Variants in LMCD1 observed in about 807,000 individuals in gnomAD.
The protein encoded by LMCD1 is LIM and cysteine rich domains 1.
Under a neutral mutation model 42.7 loss-of-function variants are expected in LMCD1, and 32 were observed. That is an observed-to-expected ratio of 0.75 (90% CI 0.57 to 1.01). LMCD1 has a LOEUF of 1.01. Among genes scored for constraint, LMCD1 ranks in the 50% least tolerant of loss-of-function variants. The pLI, the probability that LMCD1 is intolerant of heterozygous loss-of-function variation, is 0.00. For missense variants in LMCD1, 458 were observed against 483.1 expected (o/e 0.95, Z 0.49); for synonymous variants, 178 against 184.9 (o/e 0.96, Z 0.30).
Position 8,567,597 on chromosome 3 carries a change from G to T in LMCD1, c.1097G>T (p.Ter366LeuextTer25). The T allele has an allele frequency of 6.2e-7, 1 of 1,612,262 alleles. No individual in the cohort carries two copies. Among genetic ancestry groups the T allele is most frequent in the Non-Finnish European group, 8.5e-7 (1 of 1,179,080 alleles). ...ACTTGCAGCAAGTCCAAACGCTCCT[G>T]AAGGGCTGCCCACCCACAGCCAGAA... is the stretch of plus-strand genomic sequence containing the variant. ...CPTCSKSKRS[*>L] Residue 366 changes from the stop codon to leucine (L), a stop_lost, in exon 6 of 6, where the codon TGA (stop) becomes TTA (leucine). Coordinates refer to ENST00000157600, the MANE Select transcript of LMCD1 (RefSeq NM_014583.4).
At chr3:8,565,961 C>T (rs1695126656) in intron 5 of LMCD1, among the ~76,000 whole-genome samples, 1 of 152,218 alleles carries the variant, frequency 6.6e-6, no homozygotes, top group African/African-American at 2.4e-5. Context: ...CCTGTATCTG[C>T]ATCTCTTATT....
chr3:8,552,793 G>A (rs545292347), intron 4 of LMCD1, among the ~76,000 whole-genome samples: 9 of 152,170 alleles, frequency 5.9e-5, no homozygotes, highest in Admixed American at 4.6e-4. Flanking sequence ...GCACAGTCTC[G>A]GCTCACTGCA....
intron 4 of LMCD1, among the ~76,000 whole-genome samples, chr3:8,554,068 C>T (rs1219625024): frequency 6.6e-6 from 1 of 152,106 alleles, no homozygotes; most frequent in South Asian, 2.1e-4. Flanking sequence ...TTTAGATACA[C>T]GGCTCTCACT....
chr3:8,534,556 C>T (rs1407413842), intron 2 of LMCD1, among the ~76,000 whole-genome samples: 1 of 152,180 alleles, frequency 6.6e-6, no homozygotes, highest in Non-Finnish European at 1.5e-5. Flanking sequence ...GCAGTAACAT[C>T]ACAGAAGCTT....
chr3:8,560,224 A>AC (rs761876578), intron 4 of LMCD1, among the ~76,000 whole-genome samples: 7 of 142,954 alleles, frequency 4.9e-5, no homozygotes, highest in Non-Finnish European at 7.7e-5. Flanking sequence ...ACATAGTGGG[A>AC]CCCCATCTCT....
rs542683571 is a variant in LMCD1, at chr3:8,532,911, A to G, written c.131+86A>G. 6 of 1,098,920 alleles carry G rather than the reference A, an allele frequency of 5.5e-6. No homozygotes were observed. The African/African-American group carries it at 7.7e-5, about 14-fold the overall frequency. 68.1% of individuals were successfully genotyped at this position (1,098,920 alleles called of 1,614,324 possible). On this transcript the variant is annotated intron_variant, in intron 2 of 5. Transcript: ENST00000157600. The stretch of plus-strand genomic sequence containing the variant: ...AACCCTGGTTGCTTTCTTCGCTGAG[A>G]CTGCTTTGGTTGTATGCGTTGTCAG...
In LMCD1 at chr3:8,509,609, A is replaced by C. The variant is rs558541858; in HGVS notation, c.42+7629A>C. ...TTGAGTCTGGTAGAATTTATTTTTC[A>C]TAAGGCAGGAGACAGGCCAAATAAT... On this transcript the variant is annotated intron_variant, in intron 1 of 5. Coordinates refer to ENST00000157600, the MANE Select transcript of LMCD1 (RefSeq NM_014583.4). Among the ~76,000 whole-genome samples, 4 of 152,364 alleles carry C rather than the reference A, an allele frequency of 2.6e-5. No individual in the cohort carries two copies. In the East Asian group the frequency reaches 7.7e-4, roughly 29 times the overall value.
chr3:8,537,408 G>A lies in LMCD1; in HGVS notation c.355G>A (p.Glu119Lys), dbSNP rs1489518453. ...KDPTFDTITYEWAPPGVTQKL... is the reference protein window; with the variant it reads ...KDPTFDTITYKWAPPGVTQKL... ...TCCCACTTTTGACACCATCACCTAC[G>A]AGTGGGCTCCCCCTGGAGTCACCCA... The change falls in exon 3 of 6, where the codon GAG becomes AAG. Residue 119 changes from glutamate to lysine, a missense_variant. Physicochemically the swap from Glu to Lys is moderately conservative, Grantham distance 56. Transcript: ENST00000157600. 9 of 1,606,452 alleles carry A rather than the reference G, an allele frequency of 5.6e-6. No homozygotes were observed. The highest frequency in any genetic ancestry group is 1.1e-5 in the South Asian group (1 of 90,390).
Position 8,548,661 on chromosome 3 carries a change from C to T in LMCD1, c.481C>T (p.Leu161Phe). Reference sequence around the variant, plus strand: ...CCGCCGCCGCCAGCTCATGCACCAGCTCCCCATCTATGACCAGGATCCCTC... The same window carrying T: ...CCGCCGCCGCCAGCTCATGCACCAGTTCCCCATCTATGACCAGGATCCCTC... Reference protein sequence around the residue: ...FYRRRQLMHQLPIYDQDPSRC... With the variant: ...FYRRRQLMHQFPIYDQDPSRC... The change falls in exon 4 of 6, where the codon CTC (leucine) becomes TTC (phenylalanine). Residue 161 changes from leucine to phenylalanine, a missense_variant. Coordinates refer to ENST00000157600, the MANE Select transcript of LMCD1 (RefSeq NM_014583.4). The T allele has an allele frequency of 6.2e-7, 1 of 1,614,218 alleles. No homozygotes were observed. The highest frequency in any genetic ancestry group is 8.5e-7 in the Non-Finnish European group (1 of 1,180,046).
At chr3:8,565,725 A>G (rs781388320) in intron 5 of LMCD1, 78 bp downstream of exon 5, 40 of 1,335,728 alleles carry the variant, frequency 3.0e-5, no homozygotes, top group Non-Finnish European at 4.0e-5. Flanking sequence ...CAAGAGGAGC[A>G]TGGCTTTGTG....
At chr3:8,543,397 TGATAGATA>T (rs57434919) in intron 3 of LMCD1, among the ~76,000 whole-genome samples, 1,558 of 92,848 alleles carry the variant, frequency 0.017, 18 homozygotes, top group African/African-American at 0.038. Flanking sequence ...GATAGATAGA[TGATAGATA>T]GATAGATAGA....
chr3:8,521,014 C>T (rs1694195523), intron 1 of LMCD1, among the ~76,000 whole-genome samples: 2 of 152,196 alleles, frequency 1.3e-5, no homozygotes, highest in South Asian at 2.1e-4. Flanking sequence ...TCACTATTCA[C>T]GTTAGCCTGA....
chr3:8,537,124 G>C, intron 2 of LMCD1, 61 bp from the exon 3 acceptor site: 1 of 1,567,276 alleles, frequency 6.4e-7, no homozygotes, highest in East Asian at 2.3e-5. Flanking sequence ...GCTGCTAGCA[G>C]GAGAATGTGC....
In LMCD1 at chr3:8,532,768, G is replaced by A. The variant is rs755726153; in HGVS notation, c.74G>A (p.Gly25Asp). 1.9e-6 allele frequency: 3 copies of A among 1,613,744 alleles called. No individual in the cohort carries two copies. Among genetic ancestry groups the A allele is most frequent in the Non-Finnish European group, 2.5e-6 (3 of 1,179,876 alleles). Residue 25 changes from glycine to aspartate, a missense_variant, in exon 2 of 6, where the codon GGT (glycine) becomes GAT (aspartate). Physicochemically the swap from Gly to Asp is moderately conservative, Grantham distance 94. Coordinates refer to ENST00000157600, the MANE Select transcript of LMCD1 (RefSeq NM_014583.4). ...CTGGGCCAGCTGCAGTCAGCAAGAG[G>A]TGTGGCATGTTTGGGATGCAAGGGG... is the stretch of plus-strand genomic sequence containing the variant. ...MSLGQLQSARGVACLGCKGTC... is the reference protein window; with the variant it reads ...MSLGQLQSARDVACLGCKGTC...
chr3:8,510,107 T>G (rs933447855), intron 1 of LMCD1, among the ~76,000 whole-genome samples: 9 of 152,194 alleles, frequency 5.9e-5, no homozygotes, highest in Admixed American at 1.3e-4. Context: ...AAACCTGCCC[T>G]TAGAAGAGAG....
intron 1 of LMCD1, among the ~76,000 whole-genome samples, chr3:8,514,545 A>C (rs959400685): frequency 6.6e-6 from 1 of 152,230 alleles, no homozygotes; most frequent in African/African-American, 2.4e-5. Context: ...GATATTCACA[A>C]AAAAATTTTG....
intron 1 of LMCD1, among the ~76,000 whole-genome samples, chr3:8,527,227 G>A (rs947965634): frequency 1.3e-5 from 2 of 152,170 alleles, no homozygotes; most frequent in Non-Finnish European, 2.9e-5. Flanking sequence ...CACTGGGAAA[G>A]ATAAAACACT....
At chr3:8,508,304 A>T (rs1693922972) in intron 1 of LMCD1, among the ~76,000 whole-genome samples, 1 of 152,228 alleles carries the variant, frequency 6.6e-6, no homozygotes, top group Admixed American at 6.5e-5. Context: ...TATATAAATC[A>T]TGACCAAGCC....
chr3:8,548,037 A>C (rs1694771290), intron 3 of LMCD1, among the ~76,000 whole-genome samples: 2 of 152,256 alleles, frequency 1.3e-5, no homozygotes, highest in South Asian at 4.1e-4. Context: ...CACAATGGTC[A>C]GTCAGTATTT....
Sources: gnomAD v4.1 joint callset for allele counts (sites outside exome capture counted in the v4.1 genomes callset) on GRCh38, gnomAD v4.1.1 for gene constraint, MANE v1.5 for transcripts, NCBI Gene and HGNC (gene_info 2026-07-23, HGNC 2026-07-21) for gene names.